SLC35F1: variants seen among roughly 807,000 people sequenced by gnomAD.
SLC35F1 encodes chromosome 6 open reading frame 169.
In SLC35F1, 14 loss-of-function variants were observed where a neutral mutation model predicts 48.7. That is an observed-to-expected ratio of 0.29 (90% CI 0.19 to 0.45). The LOEUF (loss-of-function observed/expected upper bound fraction) is 0.45. SLC35F1 is among the 20% of genes least tolerant of loss of function. SLC35F1 has a pLI of 1.00. For synonymous variants in SLC35F1, 190 were observed against 202.2 expected (o/e 0.94, Z 0.51); for missense variants, 404 against 500.0 (o/e 0.81, Z 1.83).
chr6:118,078,937 C>T (rs1260022529), intron 1 of SLC35F1, among the ~76,000 whole-genome samples: 1 of 152,172 alleles, frequency 6.6e-6, no homozygotes, highest in Non-Finnish European at 1.5e-5. Flanking sequence ...TGTGAGACGC[C>T]TGACTGCTGA....
intron 1 of SLC35F1, among the ~76,000 whole-genome samples, chr6:117,966,873 A>G (rs1380308262): frequency 6.6e-6 from 1 of 152,156 alleles, no homozygotes; most frequent in Non-Finnish European, 1.5e-5. Context: ...AGGTATTGAG[A>G]GTTAGGACTT....
At chr6:118,229,474 G>C (rs1047029089) in intron 2 of SLC35F1, among the ~76,000 whole-genome samples, 1 of 152,148 alleles carries the variant, frequency 6.6e-6, no homozygotes, top group Non-Finnish European at 1.5e-5. Flanking sequence ...TGCCCTGCAA[G>C]TGAGTTTGGA....
chr6:118,038,983 A>C (rs989234071), intron 1 of SLC35F1, among the ~76,000 whole-genome samples: 90 of 152,250 alleles, frequency 5.9e-4, no homozygotes, highest in African/African-American at 2.1e-3. Flanking sequence ...AAATAAAATT[A>C]ATTTTTGTAT....
intron 1 of SLC35F1, among the ~76,000 whole-genome samples, chr6:117,973,441 T>A (rs1776668087): frequency 6.6e-6 from 1 of 152,210 alleles, no homozygotes; most frequent in Non-Finnish European, 1.5e-5. Flanking sequence ...AAATAAGTGT[T>A]ACTGAAGGTT....
chr6:118,165,337 G>A (rs1452377783), intron 2 of SLC35F1, among the ~76,000 whole-genome samples: 1 of 151,994 alleles, frequency 6.6e-6, no homozygotes, highest in East Asian at 1.9e-4. Context: ...TTAACTAATA[G>A]ACAAATGGGG....
intron 2 of SLC35F1, among the ~76,000 whole-genome samples, chr6:118,212,265 A>T (rs963729991): frequency 2.6e-5 from 4 of 152,158 alleles, no homozygotes; most frequent in African/African-American, 9.7e-5. Context: ...TTTATTATAC[A>T]GATGTCCCAG....
rs1014216334 is a variant in SLC35F1 at position 118,125,379 on chromosome 6, G to GC, written c.174-29066_174-29065insC. On this transcript the variant is annotated intron_variant, in intron 1 of 7. Transcript: ENST00000360388. ...TTTTTATTCATTTATGGTATTTTGG[G>GC]GGGGGGGATCAGATACTTACTATAG... 2.1e-4 allele frequency among the ~76,000 whole-genome samples: 24 copies of GC among 114,292 alleles called. No homozygotes were observed. The South Asian group carries it at 0.011, about 54-fold the overall frequency. The allele number at this position is 114,292 out of a possible 152,430, so 75.0% of individuals were successfully genotyped here.
chr6:117,976,252 A>G (rs1776704288), intron 1 of SLC35F1, among the ~76,000 whole-genome samples: 1 of 152,202 alleles, frequency 6.6e-6, no homozygotes, highest in African/African-American at 2.4e-5. Flanking sequence ...ATTCCTATTC[A>G]TGCCTATAGT....
intron 1 of SLC35F1, among the ~76,000 whole-genome samples, chr6:117,986,490 A>G (rs570266978): frequency 1.5e-4 from 23 of 152,160 alleles, no homozygotes; most frequent in African/African-American, 5.1e-4. Flanking sequence ...TGTTCTTTTT[A>G]TTTTCTACAA....
chr6:118,174,119 C>T (rs892733829), intron 2 of SLC35F1, among the ~76,000 whole-genome samples: 1 of 152,088 alleles, frequency 6.6e-6, no homozygotes. Context: ...GTAAATATTG[C>T]TTAGTTCAGT....
rs1310197013 is a variant in SLC35F1, at chr6:118,088,086, G to A, written c.174-66359G>A. ...TTGATATGGTTAATATAATCACTGA[G>A]TTACTTTAATAGTTACTTTTAATGG... On this transcript the variant is annotated intron_variant, in intron 1 of 7. Transcript: ENST00000360388. Among the ~76,000 whole-genome samples, 3 of 152,088 alleles carry A rather than the reference G, an allele frequency of 2.0e-5. No homozygotes were observed. The East Asian group carries it at 5.8e-4, about 29-fold the overall frequency.
chr6:117,952,451 T>C (rs942027436), intron 1 of SLC35F1, among the ~76,000 whole-genome samples: 1 of 152,234 alleles, frequency 6.6e-6, no homozygotes, highest in Non-Finnish European at 1.5e-5. Flanking sequence ...TATAATTCTG[T>C]TAAAATAAAA....
rs138419737 is a variant in SLC35F1, at chr6:118,180,406, T to A, written c.349+25786T>A. 1.1e-4 allele frequency among the ~76,000 whole-genome samples: 16 copies of A among 152,168 alleles called. No homozygotes were observed. In the East Asian group the frequency reaches 3.1e-3, roughly 29 times the overall value. Reference sequence around the variant, plus strand: ...AACAGACCTGCAAAGATTACAGATGTTGGAATTACTAGATAAAGAATTAAA... The same window carrying A: ...AACAGACCTGCAAAGATTACAGATGATGGAATTACTAGATAAAGAATTAAA... On this transcript the variant is annotated intron_variant, in intron 2 of 7. Transcript: ENST00000360388.
At chr6:117,958,472 A>G (rs1776455169) in intron 1 of SLC35F1, among the ~76,000 whole-genome samples, 5 of 152,280 alleles carry the variant, frequency 3.3e-5, no homozygotes, top group Middle Eastern at 3.4e-3. Context: ...CAGTCCTCCA[A>G]GTTCCATTCA....
intron 1 of SLC35F1, among the ~76,000 whole-genome samples, chr6:118,141,688 C>T (rs913284391): frequency 1.3e-5 from 2 of 152,106 alleles, no homozygotes; most frequent in Non-Finnish European, 1.5e-5. Flanking sequence ...TAATCAGCAT[C>T]CAATGGCTCC....
At chr6:117,918,308 G>C (rs768529024) in intron 1 of SLC35F1, among the ~76,000 whole-genome samples, 18 of 152,146 alleles carry the variant, frequency 1.2e-4, no homozygotes, top group Non-Finnish European at 1.8e-4. Flanking sequence ...TGAGATAAAG[G>C]AAGGAGGGAA....
At chr6:118,128,555 G>T (rs762172111) in intron 1 of SLC35F1, among the ~76,000 whole-genome samples, 2 of 151,984 alleles carry the variant, frequency 1.3e-5, no homozygotes, top group East Asian at 1.9e-4. Context: ...GTAAACTATC[G>T]CAAGGACAAA....
intron 1 of SLC35F1, chr6:117,999,176 C>G (rs923998675): frequency 6.3e-7 from 1 of 1,594,434 alleles, no homozygotes; most frequent in Admixed American, 1.7e-5. Flanking sequence ...CATGAGTGCA[C>G]GTGCCGAGGC....
chr6:117,998,448 C>G (rs1249261586), intron 1 of SLC35F1, among the ~76,000 whole-genome samples: 1 of 152,188 alleles, frequency 6.6e-6, no homozygotes, highest in Non-Finnish European at 1.5e-5. Flanking sequence ...AAAGAACTCT[C>G]CACCCCAAAT....
Sources: gnomAD v4.1 joint callset for allele counts (sites outside exome capture counted in the v4.1 genomes callset) on GRCh38, gnomAD v4.1.1 for gene constraint, MANE v1.5 for transcripts, NCBI Gene and HGNC (gene_info 2026-07-23, HGNC 2026-07-21) for gene names.